HUNK: variants seen among roughly 807,000 people sequenced by gnomAD.
HUNK encodes the protein hormonally up-regulated neu tumor-associated kinase.
Under a neutral mutation model 61.0 loss-of-function variants are expected in HUNK, and 21 were observed. The ratio of observed to expected loss-of-function variants is 0.34; its 90% CI spans 0.24 to 0.50. HUNK has a LOEUF of 0.50. Ranked by LOEUF, HUNK falls within the 20% of genes least tolerant of loss-of-function variation. The pLI is 0.98. For synonymous variants in HUNK, 371 were observed against 386.1 expected (o/e 0.96, Z 0.46); for missense variants, 772 against 945.7 (o/e 0.82, Z 2.41).
chr21:31,994,003 C>T (rs547932747), intron 9 of HUNK, among the ~76,000 whole-genome samples: 1 of 152,076 alleles, frequency 6.6e-6, no homozygotes, highest in African/African-American at 2.4e-5. Flanking sequence ...ACTTCAGGGC[C>T]GGGAAAATCC....
intron 1 of HUNK, among the ~76,000 whole-genome samples, chr21:31,883,784 G>A (rs1350125824): frequency 6.6e-6 from 1 of 152,188 alleles, no homozygotes; most frequent in African/African-American, 2.4e-5. Flanking sequence ...AAGAGCCACT[G>A]CTTTGTTGCC....
chr21:31,974,629 T>G lies in HUNK; in HGVS notation c.1085T>G (p.Val362Gly). Reference protein sequence around the residue: ...TEKLGYKNSDVINTVLSNRAC... With the variant: ...TEKLGYKNSDGINTVLSNRAC... ...AAGCTGGGTTACAAGAACAGCGACG[T>G]GATCAACACTGTGCTCTCCAACCGC... is the stretch of plus-strand genomic sequence containing the variant. The change falls in exon 7 of 11, where the codon GTG (valine) becomes GGG (glycine). Residue 362 changes from valine to glycine, a missense_variant. Around this residue, in one of 2 missense-constraint regions of HUNK, gnomAD observed 359 missense variants for 501.3 expected, o/e 0.72. Coordinates refer to ENST00000270112, the MANE Select transcript of HUNK (RefSeq NM_014586.2). 1 of 1,613,664 alleles carries G rather than the reference T, an allele frequency of 6.2e-7. No individual in the cohort carries two copies. Among genetic ancestry groups the G allele is most frequent in the Non-Finnish European group, 8.5e-7 (1 of 1,179,926 alleles).
At chr21:31,971,539 A>T (rs1177639941) in intron 6 of HUNK, among the ~76,000 whole-genome samples, 1 of 152,158 alleles carries the variant, frequency 6.6e-6, no homozygotes, top group Non-Finnish European at 1.5e-5. Flanking sequence ...AGAGAAAGGG[A>T]TATTTTCTTT....
chr21:31,958,235 T>C (rs1223474203), intron 4 of HUNK, among the ~76,000 whole-genome samples: 1 of 152,062 alleles, frequency 6.6e-6, no homozygotes, highest in Non-Finnish European at 1.5e-5. Context: ...ACTCCTGCTT[T>C]TCTCTGTGGT....
chr21:31,908,048 A>G (rs1186558255), intron 1 of HUNK, among the ~76,000 whole-genome samples: 1 of 151,936 alleles, frequency 6.6e-6, no homozygotes, highest in Non-Finnish European at 1.5e-5. Flanking sequence ...TTACCGCAAT[A>G]AAAAAATTTT....
chr21:31,990,776 T>C (rs1212148350), intron 9 of HUNK, among the ~76,000 whole-genome samples: 2 of 152,108 alleles, frequency 1.3e-5, no homozygotes, highest in African/African-American at 4.8e-5. Context: ...CCTCAAGCCA[T>C]CCACCTGCCT....
chr21:31,965,600 T>C (rs1380357328), intron 5 of HUNK, among the ~76,000 whole-genome samples: 3 of 149,062 alleles, frequency 2.0e-5, no homozygotes, highest in Non-Finnish European at 4.4e-5. Flanking sequence ...TTTTCTTTTT[T>C]TTTTTTTTTT....
intron 5 of HUNK, among the ~76,000 whole-genome samples, chr21:31,963,383 A>G (rs1487495035): frequency 1.3e-5 from 2 of 152,178 alleles, no homozygotes; most frequent in East Asian, 1.9e-4. Flanking sequence ...GGTATTATCT[A>G]TTGTCTCTAT....
chr21:31,958,840 C>T lies in HUNK; in HGVS notation c.747-3C>T, dbSNP rs2052907761. ...GCTTTCATGTGTATGTCTCTCTTTT[C>T]AGAGGTGTGAACATGTATGCCATGT... On this transcript the variant is annotated splice_polypyrimidine_tract_variant and splice_region_variant and intron_variant, in intron 4 of 10. Coordinates refer to ENST00000270112, the MANE Select transcript of HUNK (RefSeq NM_014586.2). The T allele has an allele frequency of 2.5e-6, 4 of 1,590,252 alleles. No homozygotes were observed. Among genetic ancestry groups the T allele is most frequent in the Non-Finnish European group, 1.7e-6 (2 of 1,168,078 alleles).
intron 8 of HUNK, among the ~76,000 whole-genome samples, chr21:31,984,157 G>T (rs527701599): frequency 6.6e-6 from 1 of 152,030 alleles, no homozygotes; most frequent in South Asian, 2.1e-4. Flanking sequence ...AATAAGTTCC[G>T]GTGTTCTGTG....
intron 1 of HUNK, among the ~76,000 whole-genome samples, chr21:31,888,790 T>C (rs2052366665): frequency 6.7e-6 from 1 of 149,870 alleles, no homozygotes; most frequent in Non-Finnish European, 1.5e-5. Flanking sequence ...AAAAAGGGGG[T>C]TGTATGTGCA....
At chr21:31,939,898 T>G (rs2052758521) in intron 2 of HUNK, among the ~76,000 whole-genome samples, 1 of 152,070 alleles carries the variant, frequency 6.6e-6, no homozygotes, top group Non-Finnish European at 1.5e-5. Flanking sequence ...AGTTTAGGTC[T>G]TGCTTTTTCC....
chr21:31,988,679 CTTTTCT>C (rs1468003921), intron 8 of HUNK, among the ~76,000 whole-genome samples: 1 of 145,946 alleles, frequency 6.9e-6, no homozygotes. Flanking sequence ...CTTTCTCTTT[CTTTTCT>C]TTTTCTTTTT....
At chr21:31,976,191 A>G (rs2053047785) in intron 7 of HUNK, among the ~76,000 whole-genome samples, 2 of 152,210 alleles carry the variant, frequency 1.3e-5, no homozygotes, top group South Asian at 4.1e-4. Flanking sequence ...GACAGAGTCA[A>G]CGCTTTGAGT....
chr21:31,972,110 CT>C (rs1202369291), intron 6 of HUNK, among the ~76,000 whole-genome samples: 2 of 152,106 alleles, frequency 1.3e-5, no homozygotes, highest in Non-Finnish European at 2.9e-5. Context: ...GGGTTTCAGA[CT>C]TTTGTACAGA....
At chr21:31,976,004 T>C (rs1042449983) in intron 7 of HUNK, among the ~76,000 whole-genome samples, 2 of 152,234 alleles carry the variant, frequency 1.3e-5, no homozygotes, top group African/African-American at 4.8e-5. Context: ...TGTGCTTCCA[T>C]TGTGCTTCCG....
At chr21:31,992,638 C>T (rs956812763) in intron 9 of HUNK, among the ~76,000 whole-genome samples, 7 of 152,136 alleles carry the variant, frequency 4.6e-5, no homozygotes, top group African/African-American at 7.2e-5. Flanking sequence ...TCTCTGCAGG[C>T]GGCAGCCTTG....
At chr21:31,903,382 G>T (rs1039942234) in intron 1 of HUNK, among the ~76,000 whole-genome samples, 2 of 151,850 alleles carry the variant, frequency 1.3e-5, no homozygotes, top group Non-Finnish European at 2.9e-5. Flanking sequence ...ATGGTGCTGC[G>T]TGTGTATATT....
chr21:31,986,413 G>A (rs11088197), intron 8 of HUNK, among the ~76,000 whole-genome samples: 14,213 of 152,064 alleles, frequency 0.093, 936 homozygotes, highest in Non-Finnish European at 0.15. Context: ...CCTCTGTCCT[G>A]GACTTCTGCT....
Sources: allele counts gnomAD v4.1 joint callset (sites outside exome capture counted in the v4.1 genomes callset), GRCh38; gene constraint gnomAD v4.1.1; regional missense constraint gnomAD v4.1.1; transcripts MANE v1.5; gene names NCBI Gene and HGNC (gene_info 2026-07-23, HGNC 2026-07-21).